CDKAL1: variants seen among roughly 807,000 people sequenced by gnomAD.
CDKAL1 encodes the protein threonylcarbamoyladenosine tRNA methylthiotransferase.
CDKAL1 carries 32 observed loss-of-function variants against 68.2 expected under a neutral mutation model. That is an observed-to-expected ratio of 0.47 (90% CI 0.35 to 0.63). The LOEUF (loss-of-function observed/expected upper bound fraction) is 0.63, where lower values mean the gene tolerates loss of function less well. Ranked by LOEUF, CDKAL1 falls within the 30% of genes least tolerant of loss-of-function variation. The pLI is 0.00. For missense variants in CDKAL1, 606 were observed against 696.7 expected (o/e 0.87, Z 1.47); for synonymous variants, 234 against 244.3 (o/e 0.96, Z 0.39).
intron 10 of CDKAL1, among the ~76,000 whole-genome samples, chr6:20,998,607 T>G (rs1374650474): frequency 7.1e-6 from 1 of 141,174 alleles, no homozygotes; most frequent in Non-Finnish European, 1.5e-5. Context: ...CAAAATTCCA[T>G]CTCAAAAAAA....
intron 5 of CDKAL1, among the ~76,000 whole-genome samples, chr6:20,721,365 T>C (rs938315503): frequency 6.6e-6 from 1 of 152,178 alleles, no homozygotes; most frequent in African/African-American, 2.4e-5. Context: ...CTATCATTGA[T>C]GGACATTTGG....
chr6:21,033,972 A>AAGC lies in CDKAL1; in HGVS notation c.1056-31051_1056-31049dup, dbSNP rs35161624. Among the ~76,000 whole-genome samples the AAGC allele has an allele frequency of 3.9e-3, 594 of 151,632 alleles. 3 individuals carry two copies. Among genetic ancestry groups the AAGC allele is most frequent in the African/African-American group, 0.011 (435 of 41,308 alleles). ...GTTTACCAGGAAGCTAATAGTGAGG[A>AAGC]AGCAGCAGCAGCAGCAGCAGCAGCA... On this transcript the variant is annotated intron_variant, in intron 11 of 15. Coordinates refer to ENST00000274695, the MANE Select transcript of CDKAL1 (RefSeq NM_017774.3).
intron 13 of CDKAL1, among the ~76,000 whole-genome samples, chr6:21,193,409 A>G (rs897769115): frequency 2.0e-5 from 3 of 152,220 alleles, no homozygotes; most frequent in African/African-American, 7.2e-5. Context: ...TCCGCAGCCT[A>G]CAGATCTACC....
intron 11 of CDKAL1, among the ~76,000 whole-genome samples, chr6:21,024,490 A>G (rs1375532406): frequency 6.6e-6 from 1 of 152,168 alleles, no homozygotes; most frequent in Non-Finnish European, 1.5e-5. Context: ...TCTTAAAAAA[A>G]AAAGAAATTG....
At chr6:20,608,262 T>C (rs1766419219) in intron 4 of CDKAL1, among the ~76,000 whole-genome samples, 1 of 152,196 alleles carries the variant, frequency 6.6e-6, no homozygotes, top group African/African-American at 2.4e-5. Context: ...GTGAAATTGG[T>C]ACATGTGTAA....
intron 4 of CDKAL1, among the ~76,000 whole-genome samples, chr6:20,604,380 C>A (rs1040532041): frequency 6.6e-6 from 1 of 152,182 alleles, no homozygotes; most frequent in African/African-American, 2.4e-5. Context: ...GAGGAACCAG[C>A]CAGCCATCTG....
chr6:20,568,745 A>C (rs573975844), intron 4 of CDKAL1, among the ~76,000 whole-genome samples: 11,258 of 102,984 alleles, frequency 0.11, 902 homozygotes, highest in Middle Eastern at 0.2. Flanking sequence ...AAAAAAAAAA[A>C]AAAAACAAAA....
chr6:20,867,209 A>G (rs1759957267), intron 9 of CDKAL1, among the ~76,000 whole-genome samples: 1 of 152,144 alleles, frequency 6.6e-6, no homozygotes, highest in Admixed American at 6.5e-5. Context: ...TATAGAGTAA[A>G]TCTCTTACAA....
At chr6:20,841,060 C>G (rs922090521) in intron 8 of CDKAL1, among the ~76,000 whole-genome samples, 2 of 152,140 alleles carry the variant, frequency 1.3e-5, no homozygotes, top group Non-Finnish European at 2.9e-5. Context: ...GTCTCGAATT[C>G]CTGAGCTCAA....
At chr6:20,590,075 A>T (rs919222763) in intron 4 of CDKAL1, among the ~76,000 whole-genome samples, 2 of 152,240 alleles carry the variant, frequency 1.3e-5, no homozygotes, top group African/African-American at 4.8e-5. Context: ...TAAGGTACTT[A>T]AAAGTGCTCA....
intron 7 of CDKAL1, among the ~76,000 whole-genome samples, chr6:20,766,515 T>C (rs547354905): frequency 6.6e-6 from 1 of 152,340 alleles, no homozygotes; most frequent in African/African-American, 2.4e-5. Flanking sequence ...TCCCCATCTT[T>C]CTTTGTTTAA....
chr6:21,164,530 C>G (rs2151067867), intron 13 of CDKAL1, among the ~76,000 whole-genome samples: 1 of 150,548 alleles, frequency 6.6e-6, no homozygotes, highest in Middle Eastern at 3.4e-3. Context: ...ATCATTGTCT[C>G]CCAGCATTCC....
chr6:20,568,650 G>C (rs997017265), intron 4 of CDKAL1, among the ~76,000 whole-genome samples: 1 of 150,736 alleles, frequency 6.6e-6, no homozygotes, highest in African/African-American at 2.4e-5. Flanking sequence ...CAGGAGAATG[G>C]CGTGAACCTG....
intron 11 of CDKAL1, among the ~76,000 whole-genome samples, chr6:21,034,580 G>A (rs1769472883): frequency 6.6e-6 from 1 of 152,166 alleles, no homozygotes; most frequent in Non-Finnish European, 1.5e-5. Context: ...AAGCACACAT[G>A]TAGCTTGATA....
At chr6:21,147,409 A>C (rs2151043904) in intron 13 of CDKAL1, among the ~76,000 whole-genome samples, 1 of 152,276 alleles carries the variant, frequency 6.6e-6, no homozygotes, top group African/African-American at 2.4e-5. Context: ...GATGGGGGTA[A>C]TGGGGCCATT....
chr6:20,555,836 A>G (rs909350255), intron 4 of CDKAL1, among the ~76,000 whole-genome samples: 2 of 144,982 alleles, frequency 1.4e-5, no homozygotes, highest in Admixed American at 6.8e-5. Context: ...GTTAGCCAGG[A>G]TGGTCTCGAT....
intron 13 of CDKAL1, among the ~76,000 whole-genome samples, chr6:21,144,847 C>T (rs1305765554): frequency 6.6e-6 from 1 of 151,976 alleles, no homozygotes; most frequent in East Asian, 1.9e-4. Flanking sequence ...AAGATGAGAA[C>T]AGGTAAATTG....
intron 9 of CDKAL1, among the ~76,000 whole-genome samples, chr6:20,846,420 C>G (rs941648248): frequency 3.3e-5 from 5 of 152,132 alleles, no homozygotes; most frequent in Admixed American, 2.6e-4. Context: ...ATATTTTGAA[C>G]TTTATCACCC....
intron 9 of CDKAL1, among the ~76,000 whole-genome samples, chr6:20,898,925 C>T (rs1405756519): frequency 1.3e-5 from 2 of 152,078 alleles, no homozygotes; most frequent in African/African-American, 4.8e-5. Context: ...TTGAGGATCA[C>T]CTTACTAAAT....
Sources: allele counts gnomAD v4.1 joint callset (sites outside exome capture counted in the v4.1 genomes callset), GRCh38; gene constraint gnomAD v4.1.1; transcripts MANE v1.5; gene names NCBI Gene and HGNC (gene_info 2026-07-23, HGNC 2026-07-21).